The following PABPC4L variants were observed in gnomAD, a reference collection of about 807,000 sequenced individuals.
The protein encoded by PABPC4L is poly(A) binding protein cytoplasmic 4 like.
For synonymous variants in PABPC4L, 169 were observed against 164.1 expected (o/e 1.03, Z -0.23); for missense variants, 452 against 451.4 (o/e 1.00, Z -0.01).
the PABPC4L span, among the ~76,000 whole-genome samples, chr4:134,072,054 T>C: frequency 6.6e-6 from 1 of 152,112 alleles, no homozygotes; most frequent in Non-Finnish European, 1.5e-5. Context: ...CAATAGAACA[T>C]TGTTCTAGGG....
At chr4:133,999,305 T>G in the PABPC4L span, among the ~76,000 whole-genome samples, 1 of 152,188 alleles carries the variant, frequency 6.6e-6, no homozygotes, top group Non-Finnish European at 1.5e-5. Context: ...GAAAGATATT[T>G]ATTTTCAACC....
the PABPC4L span, among the ~76,000 whole-genome samples, chr4:134,061,040 AT>A: frequency 3.3e-5 from 5 of 152,086 alleles, no homozygotes; most frequent in African/African-American, 9.7e-5. Flanking sequence ...TAGTAAAAAA[AT>A]AATTCAATTG....
the PABPC4L span, among the ~76,000 whole-genome samples, chr4:134,122,783 CT>C: frequency 6.6e-6 from 1 of 151,690 alleles, no homozygotes; most frequent in Non-Finnish European, 1.5e-5. Flanking sequence ...TTTACATTTC[CT>C]TTTTATTAAT....
chr4:134,076,752 C>G, the PABPC4L span, among the ~76,000 whole-genome samples: 7 of 151,930 alleles, frequency 4.6e-5, no homozygotes, highest in African/African-American at 1.2e-4. Context: ...GAGGGGACAA[C>G]TGTTATGGAT....
At chr4:134,052,269 T>G in the PABPC4L span, among the ~76,000 whole-genome samples, 4 of 152,098 alleles carry the variant, frequency 2.6e-5, no homozygotes. Flanking sequence ...TCTCAATATA[T>G]TCTAAATTTA....
the PABPC4L span, among the ~76,000 whole-genome samples, chr4:134,050,727 A>AAAAAAAAT: frequency 6.9e-6 from 1 of 145,692 alleles, no homozygotes; most frequent in Non-Finnish European, 1.5e-5. Flanking sequence ...AAAAAAAAAA[A>AAAAAAAAT]GTGAAAGACA....
the PABPC4L span, among the ~76,000 whole-genome samples, chr4:134,156,340 G>A: frequency 6.6e-6 from 1 of 151,820 alleles, no homozygotes; most frequent in East Asian, 1.9e-4. Flanking sequence ...ATTGCATAAG[G>A]GAAAACATTT....
the PABPC4L span, among the ~76,000 whole-genome samples, chr4:133,979,157 T>C: frequency 6.6e-6 from 1 of 152,228 alleles, no homozygotes; most frequent in African/African-American, 2.4e-5. Context: ...ATTATTAAAG[T>C]TGACTAAGTG....
At chr4:134,141,203 A>C in the PABPC4L span, among the ~76,000 whole-genome samples, 3 of 151,694 alleles carry the variant, frequency 2.0e-5, no homozygotes, top group Non-Finnish European at 1.5e-5. Context: ...AGATAGTCCA[A>C]GTCATGCAGT....
chr4:134,056,381 T>C, the PABPC4L span, among the ~76,000 whole-genome samples: 1 of 152,000 alleles, frequency 6.6e-6, no homozygotes, highest in East Asian at 1.9e-4. Flanking sequence ...TAAATATTAC[T>C]GTGATTTTGA....
At chr4:134,055,053 CA>C in the PABPC4L span, among the ~76,000 whole-genome samples, 2 of 151,830 alleles carry the variant, frequency 1.3e-5, no homozygotes, top group Non-Finnish European at 1.5e-5. Flanking sequence ...AATGATATAT[CA>C]TTGTGGCTTT....
At chr4:134,060,231 C>T in the PABPC4L span, among the ~76,000 whole-genome samples, 1 of 151,970 alleles carries the variant, frequency 6.6e-6, no homozygotes, top group Non-Finnish European at 1.5e-5. Flanking sequence ...GGCTAAAGTG[C>T]TCTGGGGTAC....
the PABPC4L span, among the ~76,000 whole-genome samples, chr4:134,025,714 G>C: frequency 6.6e-6 from 1 of 151,718 alleles, no homozygotes; most frequent in Non-Finnish European, 1.5e-5. Context: ...ATTTTCAGTG[G>C]GAAATCTCTT....
chr4:134,008,705 G>A, the PABPC4L span, among the ~76,000 whole-genome samples: 1 of 151,790 alleles, frequency 6.6e-6, no homozygotes, highest in African/African-American at 2.4e-5. Flanking sequence ...TTGGAAGTAT[G>A]TAGCAAGAAT....
the PABPC4L span, among the ~76,000 whole-genome samples, chr4:133,969,629 G>T: frequency 6.6e-6 from 1 of 152,326 alleles, no homozygotes; most frequent in Admixed American, 6.5e-5. Flanking sequence ...AGATTAGGAT[G>T]CTTTGATTAG....
the PABPC4L span, among the ~76,000 whole-genome samples, chr4:134,100,088 T>G: frequency 6.6e-6 from 1 of 151,676 alleles, no homozygotes; most frequent in South Asian, 2.1e-4. Flanking sequence ...AACTCGCTCC[T>G]TTCCCATTCT....
At chr4:133,992,823 G>A in the PABPC4L span, among the ~76,000 whole-genome samples, 1 of 152,174 alleles carries the variant, frequency 6.6e-6, no homozygotes, top group African/African-American at 2.4e-5. Context: ...GATTCACTCA[G>A]CCTCCTGAGT....
chr4:134,085,350 A>G, the PABPC4L span, among the ~76,000 whole-genome samples: 1 of 152,156 alleles, frequency 6.6e-6, no homozygotes, highest in Admixed American at 6.6e-5. Context: ...ATGTACATAA[A>G]ATACACATGT....
At chr4:133,965,923 A>G in the PABPC4L span, among the ~76,000 whole-genome samples, 1 of 152,180 alleles carries the variant, frequency 6.6e-6, no homozygotes, top group Non-Finnish European at 1.5e-5. Flanking sequence ...GGATTTCATG[A>G]CCAAGAACCC....
Sources: gnomAD v4.1 joint callset for allele counts (sites outside exome capture counted in the v4.1 genomes callset) on GRCh38, gnomAD v4.1.1 for gene constraint, MANE v1.5 for transcripts, NCBI Gene and HGNC (gene_info 2026-07-23, HGNC 2026-07-21) for gene names.